The following ETV5 variants were observed in gnomAD, a reference collection of about 807,000 sequenced individuals.
The protein encoded by ETV5 is ETS variant transcription factor 5.
Under a neutral mutation model 70.0 loss-of-function variants are expected in ETV5, and 10 were observed. That is an observed-to-expected ratio of 0.14 (90% CI 0.09 to 0.24). The LOEUF is 0.24. Among genes scored for constraint, ETV5 ranks in the 10% least tolerant of loss-of-function variants. ETV5 has a pLI of 1.00. For missense variants in ETV5, 453 were observed against 651.2 expected, an observed-to-expected ratio of 0.70 and a Z score of 3.31; for synonymous variants, 216 against 242.2, an observed-to-expected ratio of 0.89 and a Z score of 1.01.
At chr3:186,107,343 A>G (rs1406429616) in intron 1 of ETV5, among the ~76,000 whole-genome samples, 1 of 152,144 alleles carries the variant, frequency 6.6e-6, no homozygotes, top group Non-Finnish European at 1.5e-5. Context: ...CAGTGAGTTG[A>G]GGGGCATGAA....
At position 186,057,152 on chromosome 3, in the gene ETV5, G is replaced by C. The variant is rs1398362632; in HGVS notation, c.1132C>G (p.Leu378Val). 1 of 1,614,180 alleles carries C rather than the reference G, an allele frequency of 6.2e-7. No homozygotes were observed. Residue 378 changes from leucine to valine, a missense_variant, in exon 11 of 13, where the codon CTT becomes GTT. Around this residue, in one of 4 missense-constraint regions of ETV5, gnomAD observed 25 missense variants for 114.3 expected, o/e 0.22. Transcript: ENST00000306376. The surrounding 1 kb of genome is among the most constrained non-coding windows in gnomAD (Gnocchi z 4.9). ...LQLWQFLVTL[L>V]DDPANAHFIA... The stretch of plus-strand genomic sequence containing the variant: ...AAGTGGGCATTGGCTGGGTCATCAA[G>C]AAGGGTGACCAGGAACTGCCACAGC...
rs1210578321 is a variant in ETV5 at position 186,057,468 on chromosome 3, G to T, written c.994C>A (p.Arg332=). The T allele has an allele frequency of 6.2e-7, 1 of 1,613,824 alleles. No homozygotes were observed. Among genetic ancestry groups the T allele is most frequent in the Non-Finnish European group, 8.5e-7 (1 of 1,179,916 alleles). Residue 332 remains arginine (R), a synonymous_variant, in exon 10 of 13, where the codon CGA becomes AGA. Coordinates refer to ENST00000306376, the MANE Select transcript of ETV5 (RefSeq NM_004454.3). This position sits in a 1 kb window ranked among gnomAD's most constrained non-coding sequence, Gnocchi z 4.9. ...HEGFSYEKDP[R]LYFDDTCVVP... The stretch of plus-strand genomic sequence containing the variant: ...ACACAAGTGTCGTCAAAGTATAATC[G>T]GGGATCTTTTTCATATGAAAAACCT...
chr3:186,084,523 T>C (rs1263896422), intron 5 of ETV5, among the ~76,000 whole-genome samples: 1 of 152,150 alleles, frequency 6.6e-6, no homozygotes, highest in African/African-American at 2.4e-5. Flanking sequence ...GGGCCAGGTA[T>C]TCTGGATGTC....
At chr3:186,085,095 A>C (rs1578554662) in intron 5 of ETV5, among the ~76,000 whole-genome samples, 1 of 151,514 alleles carries the variant, frequency 6.6e-6, no homozygotes, top group African/African-American at 2.4e-5. Flanking sequence ...TTTTACGAAC[A>C]CGAAAACAAG....
intron 5 of ETV5, among the ~76,000 whole-genome samples, chr3:186,088,645 A>C (rs1234438438): frequency 6.6e-6 from 1 of 152,238 alleles, no homozygotes; most frequent in African/African-American, 2.4e-5. Context: ...GGTAGAGGAA[A>C]AGATGATCAA....
intron 5 of ETV5, among the ~76,000 whole-genome samples, chr3:186,088,655 A>G (rs1450195486): frequency 1.3e-5 from 2 of 152,226 alleles, no homozygotes; most frequent in Non-Finnish European, 2.9e-5. Flanking sequence ...AAGATGATCA[A>G]GAAGAGGGAC....
intron 7 of ETV5, among the ~76,000 whole-genome samples, chr3:186,077,290 G>A (rs1221186065): frequency 6.6e-6 from 1 of 152,170 alleles, no homozygotes; most frequent in African/African-American, 2.4e-5. Context: ...ACAACCTATA[G>A]TCACCAATAA....
intron 7 of ETV5, chr3:186,078,277 A>G (rs1363129767): frequency 1.4e-5 from 12 of 837,690 alleles, no homozygotes; most frequent in Non-Finnish European, 1.6e-5. Flanking sequence ...TTTACAGTTC[A>G]TGGTATAACA....
At chr3:186,067,248 C>G (rs1713470084) in intron 7 of ETV5, among the ~76,000 whole-genome samples, 1 of 152,214 alleles carries the variant, frequency 6.6e-6, no homozygotes, top group Non-Finnish European at 1.5e-5. Flanking sequence ...TCCTGGCCAA[C>G]ATGGTGAAAC....
chr3:186,057,315 G>C lies in ETV5; in HGVS notation c.1040-71C>G. The C allele has an allele frequency of 6.2e-7, 1 of 1,607,536 alleles. No individual in the cohort carries two copies. Among genetic ancestry groups the C allele is most frequent in the Non-Finnish European group, 8.5e-7 (1 of 1,174,492 alleles). On this transcript the variant is annotated intron_variant, in intron 10 of 12. Coordinates refer to ENST00000306376, the MANE Select transcript of ETV5 (RefSeq NM_004454.3). This position sits in a 1 kb window ranked among gnomAD's most constrained non-coding sequence, Gnocchi z 4.9. ...TCTCAGGTGGTTGGGACAAAAAGGA[G>C]TTGTTCATGCTGATTTAATCACTGG... is the stretch of plus-strand genomic sequence containing the variant.
chr3:186,093,740 C>G (rs927882383), intron 5 of ETV5, among the ~76,000 whole-genome samples: 1 of 152,212 alleles, frequency 6.6e-6, no homozygotes, highest in Non-Finnish European at 1.5e-5. Flanking sequence ...CCTCTTTACT[C>G]CTTCCAGAGA....
intron 9 of ETV5, among the ~76,000 whole-genome samples, chr3:186,062,254 G>C (rs2150143731): frequency 6.6e-6 from 1 of 152,330 alleles, no homozygotes; most frequent in African/African-American, 2.4e-5. Flanking sequence ...TATGGGCTCT[G>C]GAGCCACAGG....
At position 186,050,790 on chromosome 3, in the gene ETV5, G is replaced by A. The variant is rs571684660; in HGVS notation, c.1311+1240C>T. ...GCGAGAAGAGCAGTGGTAGGAACAA[G>A]TACTGGTGCCATCAGAAGCAGCAAA... On this transcript the variant is annotated intron_variant, in intron 12 of 12. Transcript: ENST00000306376. 5.3e-5 allele frequency among the ~76,000 whole-genome samples: 8 copies of A among 152,242 alleles called. No homozygotes were observed. The East Asian group carries it at 1.4e-3, about 26-fold the overall frequency.
intron 5 of ETV5, among the ~76,000 whole-genome samples, chr3:186,100,472 T>C (rs930207841): frequency 6.6e-6 from 1 of 152,224 alleles, no homozygotes; most frequent in African/African-American, 2.4e-5. Flanking sequence ...CTGCCTCTAC[T>C]GTACTAAACT....
chr3:186,106,135 C>T (rs1714581883), intron 1 of ETV5, among the ~76,000 whole-genome samples, 193 bp from the exon 2 acceptor site: 1 of 152,006 alleles, frequency 6.6e-6, no homozygotes, highest in Non-Finnish European at 1.5e-5. Flanking sequence ...AGGATGTACT[C>T]CGTGCCAAAT....
chr3:186,103,870 C>A (rs1435623550), intron 5 of ETV5, among the ~76,000 whole-genome samples: 2 of 152,186 alleles, frequency 1.3e-5, no homozygotes, highest in South Asian at 2.1e-4. Flanking sequence ...GGACATGAGG[C>A]CTATCATTAA....
rs1172707863 is a variant in ETV5, at chr3:186,081,194, TGA to T, written c.233-21_233-20del. The T allele has an allele frequency of 3.1e-6, 5 of 1,608,360 alleles. No homozygotes were observed. Among genetic ancestry groups the T allele is most frequent in the Non-Finnish European group, 4.2e-6 (5 of 1,176,762 alleles). On this transcript the variant is annotated intron_variant, in intron 5 of 12. Transcript: ENST00000306376. ...AGCACCACTGAAATCAGAAGAGGGATGAGAGGGGAATAGAGAGAGAACAGCTG... is the reference window on the plus strand; with the variant it reads ...AGCACCACTGAAATCAGAAGAGGGATGAGGGGAATAGAGAGAGAACAGCTG...
chr3:186,108,374 T>A, intron 1 of ETV5: 1 of 609,878 alleles, frequency 1.6e-6, no homozygotes, highest in Admixed American at 2.3e-5. Flanking sequence ...GCAGGGCGAC[T>A]GGATGTCCAC....
chr3:186,083,722 T>C (rs1713986842), intron 5 of ETV5, among the ~76,000 whole-genome samples: 1 of 152,186 alleles, frequency 6.6e-6, no homozygotes, highest in Admixed American at 6.5e-5. Flanking sequence ...TGTGAACAAA[T>C]GGATTATATT....
Sources: gnomAD v4.1 joint callset for allele counts (sites outside exome capture counted in the v4.1 genomes callset) on GRCh38, gnomAD v4.1.1 for gene constraint, gnomAD v4.1.1 regional missense constraint, Gnocchi (gnomAD v3.1) non-coding constraint, MANE v1.5 for transcripts, NCBI Gene and HGNC (gene_info 2026-07-23, HGNC 2026-07-21) for gene names.